Variants in ULK4 observed in about 807,000 individuals in gnomAD.
ULK4 encodes the protein unc-51 like kinase 4, also known as inactive serine/threonine-protein kinase ULK4.
ULK4 carries 133 observed loss-of-function variants against 160.6 expected under a neutral mutation model. That is an observed-to-expected ratio of 0.83 (90% CI 0.72 to 0.96). ULK4 has a LOEUF of 0.96. Among genes scored for constraint, ULK4 ranks in the 40% least tolerant of loss-of-function variants. The pLI is 0.00. For missense variants in ULK4, 1,580 were observed against 1,499.5 expected (o/e 1.05, Z -0.89); for synonymous variants, 534 against 539.8 (o/e 0.99, Z 0.15).
intron 12 of ULK4, among the ~76,000 whole-genome samples, chr3:41,904,159 A>C (rs1698472108): frequency 6.6e-6 from 1 of 152,216 alleles, no homozygotes; most frequent in Admixed American, 6.5e-5. Context: ...AAGGCCAAGC[A>C]CAGTGGCTCA....
intron 32 of ULK4, among the ~76,000 whole-genome samples, chr3:41,527,597 C>T (rs2125937293): frequency 6.6e-6 from 1 of 152,298 alleles, no homozygotes; most frequent in East Asian, 1.9e-4. Flanking sequence ...TTTGGTATCA[C>T]CACAATGTAA....
chr3:41,905,481 A>G (rs1698520279), intron 12 of ULK4, among the ~76,000 whole-genome samples: 1 of 152,218 alleles, frequency 6.6e-6, no homozygotes. Context: ...ACACAAACGA[A>G]AAAAGATAAA....
chr3:41,537,875 G>A (rs1278769065), intron 32 of ULK4, among the ~76,000 whole-genome samples: 2 of 151,196 alleles, frequency 1.3e-5, no homozygotes, highest in Non-Finnish European at 2.9e-5. Flanking sequence ...TGCCTTAAAT[G>A]CTAGCACTCA....
intron 8 of ULK4, chr3:41,913,200 G>C (rs1698850783): frequency 4.8e-6 from 1 of 207,774 alleles, no homozygotes; most frequent in Non-Finnish European, 9.4e-6. Context: ...GAAAAACGGA[G>C]TCGATAAATA....
intron 35 of ULK4, among the ~76,000 whole-genome samples, chr3:41,326,427 G>A (rs1287028050): frequency 2.0e-5 from 3 of 150,602 alleles, no homozygotes; most frequent in Non-Finnish European, 4.4e-5. Context: ...ACCTTAAAGA[G>A]AGTTATATTT....
chr3:41,590,918 C>T (rs1254627414), intron 31 of ULK4, among the ~76,000 whole-genome samples: 1 of 151,582 alleles, frequency 6.6e-6, no homozygotes, highest in African/African-American at 2.4e-5. Context: ...TTTGAAGAAA[C>T]GATGGTTGAA....
chr3:41,823,607 C>G (rs2041224354), intron 18 of ULK4, among the ~76,000 whole-genome samples: 1 of 152,156 alleles, frequency 6.6e-6, no homozygotes, highest in African/African-American at 2.4e-5. Flanking sequence ...AGAGAGCCAA[C>G]AAGACTCAGG....
At chr3:41,812,898 G>A (rs2040858266) in intron 19 of ULK4, among the ~76,000 whole-genome samples, 2 of 152,144 alleles carry the variant, frequency 1.3e-5, no homozygotes, top group Admixed American at 1.3e-4. Context: ...TGTTTAAGGT[G>A]TCCATTTCTG....
intron 29 of ULK4, among the ~76,000 whole-genome samples, chr3:41,677,442 C>T (rs1175023796): frequency 2.6e-5 from 4 of 151,810 alleles, no homozygotes; most frequent in African/African-American, 9.7e-5. Flanking sequence ...TGCCATTCTC[C>T]TGCCTCAGCC....
In ULK4 at chr3:41,567,184, G is replaced by A. The variant is rs1019720333; in HGVS notation, c.3121-1054C>T. Among the ~76,000 whole-genome samples, 13 of 152,140 alleles carry A rather than the reference G, an allele frequency of 8.5e-5. 1 individual carries two copies. Among genetic ancestry groups the A allele is most frequent in the Middle Eastern group, 3.4e-3 (1 of 294 alleles). On this transcript the variant is annotated intron_variant, in intron 31 of 36. Coordinates refer to ENST00000301831, the MANE Select transcript of ULK4 (RefSeq NM_017886.4). ...GTTTGCTGTTGGGTTGTTTTTTAAC[G>A]TATAGCTATTTTGTGCCAGGCACTG...
chr3:41,513,984 A>G (rs1020931078), intron 32 of ULK4, among the ~76,000 whole-genome samples: 4 of 152,240 alleles, frequency 2.6e-5, no homozygotes, highest in Non-Finnish European at 5.9e-5. Context: ...AAAAATAAAT[A>G]CTAAGATAAA....
At chr3:41,426,214 A>T (rs1027067618) in intron 34 of ULK4, among the ~76,000 whole-genome samples, 2 of 152,224 alleles carry the variant, frequency 1.3e-5, no homozygotes, top group Non-Finnish European at 2.9e-5. Flanking sequence ...GGTCAATTCA[A>T]CAAGAAGAGC....
intron 1 of ULK4, among the ~76,000 whole-genome samples, chr3:41,955,013 C>T (rs1450726928): frequency 6.6e-6 from 1 of 152,112 alleles, no homozygotes; most frequent in Non-Finnish European, 1.5e-5. Context: ...ACTTCACAGC[C>T]GGCGCAGTGG....
chr3:41,654,129 A>T (rs974971838), intron 30 of ULK4, among the ~76,000 whole-genome samples: 4 of 152,246 alleles, frequency 2.6e-5, no homozygotes, highest in Non-Finnish European at 4.4e-5. Context: ...CAACAGACAC[A>T]AACTCAACAG....
At chr3:41,552,146 C>T (rs2087093079) in intron 32 of ULK4, among the ~76,000 whole-genome samples, 1 of 151,918 alleles carries the variant, frequency 6.6e-6, no homozygotes, top group Non-Finnish European at 1.5e-5. Flanking sequence ...TGACAAACAG[C>T]TAACATCATG....
At chr3:41,409,778 A>G (rs1431799964) in intron 34 of ULK4, among the ~76,000 whole-genome samples, 1 of 151,884 alleles carries the variant, frequency 6.6e-6, no homozygotes, top group Non-Finnish European at 1.5e-5. Context: ...GTGAAACCTC[A>G]TCTCTACTAA....
At chr3:41,685,143 C>T (rs951743218) in intron 27 of ULK4, among the ~76,000 whole-genome samples, 1 of 152,206 alleles carries the variant, frequency 6.6e-6, no homozygotes, top group Non-Finnish European at 1.5e-5. Context: ...TTCTGACTTC[C>T]TGTCTTGAAT....
At chr3:41,378,954 A>G (rs1250736929) in intron 35 of ULK4, among the ~76,000 whole-genome samples, 2 of 152,044 alleles carry the variant, frequency 1.3e-5, no homozygotes, top group African/African-American at 2.4e-5. Flanking sequence ...CTAACACAGG[A>G]ACAGAAAACC....
intron 31 of ULK4, among the ~76,000 whole-genome samples, chr3:41,575,087 T>A (rs2088141198): frequency 6.6e-6 from 1 of 152,194 alleles, no homozygotes; most frequent in Non-Finnish European, 1.5e-5. Context: ...TCCGGCATTA[T>A]GATGTGGGAA....
Sources: allele counts gnomAD v4.1 joint callset (sites outside exome capture counted in the v4.1 genomes callset), GRCh38; gene constraint gnomAD v4.1.1; transcripts MANE v1.5; gene names NCBI Gene and HGNC (gene_info 2026-07-23, HGNC 2026-07-21).